The following SH3BP2 variants were observed in gnomAD, a reference collection of about 807,000 sequenced individuals.
SH3BP2 encodes the protein SH3 domain binding protein 2.
SH3BP2 carries 38 observed loss-of-function variants against 56.2 expected under a neutral mutation model. The observed-to-expected ratio is 0.68, with a 90% CI of 0.52 to 0.89. SH3BP2 has a LOEUF of 0.89. Among genes scored for constraint, SH3BP2 ranks in the 40% least tolerant of loss-of-function variants. The pLI, the probability that SH3BP2 is intolerant of heterozygous loss-of-function variation, is 0.00. For missense variants in SH3BP2, 748 were observed against 762.6 expected, an observed-to-expected ratio of 0.98 and a Z score of 0.23; for synonymous variants, 346 against 316.7, an observed-to-expected ratio of 1.09 and a Z score of -0.98.
chr4:2,826,838 C>T (rs1431805388), intron 5 of SH3BP2: 1 of 441,468 alleles, frequency 2.3e-6, no homozygotes, highest in Non-Finnish European at 4.6e-6. Flanking sequence ...TGTATACTTC[C>T]ATGTCTGTGT....
chr4:2,796,552 CG>C, intron 1 of SH3BP2: 1 of 796,460 alleles, frequency 1.3e-6, no homozygotes, highest in Non-Finnish European at 1.5e-6. Flanking sequence ...AATGTGGGCT[CG>C]GCCACCTGGA....
In SH3BP2 at chr4:2,838,644, T is replaced by A. The variant is rs560290707; in HGVS notation, c.*4810T>A. 1.3e-5 allele frequency: 2 copies of A among 152,022 alleles called. No individual in the cohort carries two copies. The highest frequency in any genetic ancestry group is 6.5e-5 in the Admixed American group (1 of 15,270). The allele number at this position is 152,022 out of a possible 1,614,324, so 9.4% of individuals were successfully genotyped here. ...ATTATAAAGATTTTTGTTTGCGATTTTTTTTTTTAGCTCATCAGCTATAGT... is the reference window on the plus strand; with the variant it reads ...ATTATAAAGATTTTTGTTTGCGATTATTTTTTTTAGCTCATCAGCTATAGT... On this transcript the variant is annotated 3_prime_UTR_variant, in exon 13 of 13. Transcript: ENST00000503393.
In SH3BP2 at chr4:2,815,830, G is replaced by A. The variant is rs1230700639; in HGVS notation, c.-4-4784G>A. On this transcript the variant is annotated intron_variant, in intron 1 of 12. Transcript: ENST00000503393. ...GGGCTGGGTCTGAGCTGGTGAGGAT[G>A]GGAGACAATGACCAACTAGTGTGGT... 4.6e-5 allele frequency among the ~76,000 whole-genome samples: 7 copies of A among 152,172 alleles called. No individual in the cohort carries two copies. In the South Asian group the frequency reaches 1.0e-3, roughly 22 times the overall value.
chr4:2,812,514 C>T (rs1289719821), intron 1 of SH3BP2: 11 of 1,542,160 alleles, frequency 7.1e-6, no homozygotes, highest in East Asian at 2.5e-5. Context: ...GCTCGGGAGG[C>T]GGCACTGGTC....
rs1314236486 is a variant in SH3BP2 at position 2,829,635 on chromosome 4, C to G, written c.729C>G (p.Gly243=). 6.2e-7 allele frequency: 1 copy of G among 1,612,992 alleles called. No individual in the cohort carries two copies. The highest frequency in any genetic ancestry group is 1.1e-5 in the South Asian group (1 of 91,066). ...TGCCACCCCCGCCCCCTAAGCACGG[C>G]CTCCCAGATGTTGGCCTGGCTGCTG... The part of the protein sequence containing the change: ...PLLPPPPPKH[G]LPDVGLAAED... The change falls in exon 8 of 13, where the codon GGC becomes GGG. Residue 243 remains glycine (G), a synonymous_variant. Coordinates refer to ENST00000503393, the MANE Select transcript of SH3BP2 (RefSeq NM_001122681.2). This position sits in a 1 kb window ranked among gnomAD's most constrained non-coding sequence, Gnocchi z 4.9.
intron 1 of SH3BP2, among the ~76,000 whole-genome samples, chr4:2,819,307 A>C (rs1227845503): frequency 6.6e-6 from 1 of 152,124 alleles, no homozygotes; most frequent in Non-Finnish European, 1.5e-5. Context: ...GCAGCCTCAA[A>C]CTCCTGGGCT....
intron 1 of SH3BP2, among the ~76,000 whole-genome samples, chr4:2,803,007 A>G (rs1426180596): frequency 2.0e-5 from 3 of 152,256 alleles, no homozygotes; most frequent in Non-Finnish European, 4.4e-5. Context: ...AAAACGCCGT[A>G]AAGTGCCTGG....
intron 3 of SH3BP2, 92 bp downstream of exon 3, chr4:2,823,129 C>A: frequency 1.1e-6 from 1 of 937,978 alleles, no homozygotes; most frequent in Non-Finnish European, 1.7e-6. Context: ...CTTATTCCCG[C>A]CCAAGGAAAG....
chr4:2,831,208 G>A lies in SH3BP2; in HGVS notation c.1242-363G>A, dbSNP rs938658606. The stretch of plus-strand genomic sequence containing the variant: ...ACACTGCATTGTTCATCCAGTTCAC[G>A]TCCACTCCCCTGTGGCTCTGAGTGG... On this transcript the variant is annotated intron_variant, in intron 8 of 12. Transcript: ENST00000503393. The surrounding 1 kb of genome is among the most constrained non-coding windows in gnomAD (Gnocchi z 4.1). Among the ~76,000 whole-genome samples the A allele has an allele frequency of 3.3e-5, 5 of 152,186 alleles. No individual in the cohort carries two copies. Among genetic ancestry groups the A allele is most frequent in the Non-Finnish European group, 5.9e-5 (4 of 68,028 alleles).
rs758854321 is a variant in SH3BP2 at position 2,824,614 on chromosome 4, G to T, written c.241G>T (p.Val81Leu). ...TGACCCCTGGCGCTGTGCCCCCAGG[G>T]TGATGCGGGCGGCTGAGGAGACCAC... ...GAFSLSGYNR[V>L]MRAAEETTSN... Residue 81 changes from valine to leucine, a missense_variant and splice_region_variant, in exon 4 of 13, where the codon GTG (valine) becomes TTG (leucine). By Grantham distance (32) the Val-to-Leu change is conservative. Transcript: ENST00000503393. The T allele has an allele frequency of 2.5e-6, 4 of 1,611,926 alleles. No individual in the cohort carries two copies. Among genetic ancestry groups the T allele is most frequent in the Non-Finnish European group, 2.5e-6 (3 of 1,178,730 alleles).
At position 2,824,681 on chromosome 4, in the gene SH3BP2, A is replaced by G. The variant is rs1724497492; in HGVS notation, c.308A>G (p.Lys103Arg). 6.2e-7 allele frequency: 1 copy of G among 1,613,908 alleles called. No individual in the cohort carries two copies. The highest frequency in any genetic ancestry group is 8.5e-7 in the Non-Finnish European group (1 of 1,180,000). ...CCCTTCAAGATCATCCATATCAGCA[A>G]GAAGCACCGCACGTGGTTCTTCTCG... is the stretch of plus-strand genomic sequence containing the variant. ...VFPFKIIHIS[K>R]KHRTWFFSAS... The change falls in exon 4 of 13, where the codon AAG (lysine) becomes AGG (arginine). Residue 103 changes from lysine (K) to arginine (R), a missense_variant. This residue lies in a region of SH3BP2 where 9 missense variants were observed against 24.4 expected (regional missense o/e 0.37). Coordinates refer to ENST00000503393, the MANE Select transcript of SH3BP2 (RefSeq NM_001122681.2).
In SH3BP2 at chr4:2,793,102, C is replaced by G. The variant is rs1317262305; in HGVS notation, c.-41C>G. ...TGGCGGCCGAGTCAAGCCGCCGCCT[C>G]GACCCAGGGCCCGCGGGCCAGGAGA... On this transcript the variant is annotated 5_prime_UTR_variant, in exon 1 of 13. Coordinates refer to ENST00000503393, the MANE Select transcript of SH3BP2 (RefSeq NM_001122681.2). 3 of 149,316 alleles carry G rather than the reference C, an allele frequency of 2.0e-5. No individual in the cohort carries two copies. Among genetic ancestry groups the G allele is most frequent in the Non-Finnish European group, 3.0e-5 (2 of 66,994 alleles). The allele number at this position is 149,316 out of a possible 1,614,324, so 9.2% of individuals were successfully genotyped here.
intron 1 of SH3BP2, among the ~76,000 whole-genome samples, chr4:2,802,027 G>A (rs556336046): frequency 6.6e-6 from 1 of 152,276 alleles, no homozygotes; most frequent in East Asian, 1.9e-4. Flanking sequence ...AGAATTGCTT[G>A]AAACTGGGAG....
intron 1 of SH3BP2, among the ~76,000 whole-genome samples, chr4:2,801,098 T>C (rs73080373): frequency 0.071 from 10,725 of 150,842 alleles, 1,262 homozygotes; most frequent in African/African-American, 0.25. Flanking sequence ...ACTCCACCCC[T>C]GCCTGTCTTG....
chr4:2,802,788 G>A (rs547414689), intron 1 of SH3BP2, among the ~76,000 whole-genome samples: 21 of 152,248 alleles, frequency 1.4e-4, no homozygotes, highest in South Asian at 1.2e-3. Flanking sequence ...TAACCCTCAA[G>A]TGCTGAAATG....
At chr4:2,818,832 C>T (rs1724145125) in intron 1 of SH3BP2, 2 of 986,288 alleles carry the variant, frequency 2.0e-6, no homozygotes, top group Non-Finnish European at 2.4e-6. Context: ...TGACCCAGGC[C>T]GAGGCCGGCA....
chr4:2,808,719 G>A (rs1174201215), intron 1 of SH3BP2, among the ~76,000 whole-genome samples: 1 of 152,048 alleles, frequency 6.6e-6, no homozygotes, highest in East Asian at 1.9e-4. Flanking sequence ...ATCTTATTTT[G>A]AGAGCTTGAG....
intron 3 of SH3BP2, 132 bp downstream of exon 3, chr4:2,823,169 C>A: frequency 1.4e-6 from 1 of 704,196 alleles, no homozygotes; most frequent in Non-Finnish European, 2.6e-6. Context: ...TCGTGCCCAT[C>A]CCCTGTCCTC....
chr4:2,834,346 T>C lies in SH3BP2; in HGVS notation c.*512T>C, dbSNP rs1725159722. 6.4e-6 allele frequency: 1 copy of C among 156,844 alleles called. No homozygotes were observed. Among genetic ancestry groups the C allele is most frequent in the African/African-American group, 2.4e-5 (1 of 41,534 alleles). 9.7% of individuals were successfully genotyped at this position (156,844 alleles called of 1,614,324 possible). A position where few individuals can be genotyped will look rare whatever the true frequency, so the allele number is the denominator to read the frequency against. Reference sequence around the variant, plus strand: ...GGATTACCAGCTTACTGGGTGCCCATGCTGATGTCTAAGTGGTGACCGCAG... The same window carrying C: ...GGATTACCAGCTTACTGGGTGCCCACGCTGATGTCTAAGTGGTGACCGCAG... On this transcript the variant is annotated 3_prime_UTR_variant, in exon 13 of 13. Coordinates refer to ENST00000503393, the MANE Select transcript of SH3BP2 (RefSeq NM_001122681.2).
Sources: gnomAD v4.1 joint callset for allele counts (sites outside exome capture counted in the v4.1 genomes callset) on GRCh38, gnomAD v4.1.1 for gene constraint, gnomAD v4.1.1 regional missense constraint, Gnocchi (gnomAD v3.1) non-coding constraint, MANE v1.5 for transcripts, NCBI Gene and HGNC (gene_info 2026-07-23, HGNC 2026-07-21) for gene names.